PRR16: variants seen among roughly 807,000 people sequenced by gnomAD.
PRR16 encodes the protein protein Largen.
Under a neutral mutation model 18.2 loss-of-function variants are expected in PRR16, and 6 were observed. The ratio of observed to expected loss-of-function variants is 0.33; its 90% CI spans 0.18 to 0.65. The LOEUF is 0.65. PRR16 is among the 30% of genes least tolerant of loss of function. The pLI is 0.74. For missense variants in PRR16, 412 were observed against 376.6 expected (o/e 1.09, Z -0.78); for synonymous variants, 151 against 147.8 (o/e 1.02, Z -0.16).
the PRR16 span, among the ~76,000 whole-genome samples, chr5:120,714,461 A>C: frequency 3.4e-4 from 52 of 152,134 alleles, no homozygotes; most frequent in African/African-American, 1.1e-3. Flanking sequence ...ACCAGTCAGA[A>C]TGGTGATTAT....
intron 1 of PRR16, among the ~76,000 whole-genome samples, chr5:120,664,404 C>T (rs764755680): frequency 9.2e-5 from 14 of 151,616 alleles, no homozygotes; most frequent in Non-Finnish European, 1.9e-4. Flanking sequence ...GCCATATGAG[C>T]AGATCTTGTT....
At chr5:120,742,540 C>A in the PRR16 span, among the ~76,000 whole-genome samples, 1 of 151,404 alleles carries the variant, frequency 6.6e-6, no homozygotes, top group Non-Finnish European at 1.5e-5. Context: ...ACAAAAAATT[C>A]TTAATTTTAA....
intron 1 of PRR16, among the ~76,000 whole-genome samples, chr5:120,483,014 T>A (rs756688890): frequency 9.2e-5 from 14 of 152,124 alleles, no homozygotes; most frequent in Non-Finnish European, 1.8e-4. Context: ...GTAGGTTAGG[T>A]AGGTTAGGGA....
the PRR16 span, among the ~76,000 whole-genome samples, chr5:120,792,289 T>C: frequency 1.3e-5 from 2 of 152,186 alleles, no homozygotes; most frequent in East Asian, 3.8e-4. Flanking sequence ...CCAGTAGTAG[T>C]TTATAAAGTG....
the PRR16 span, among the ~76,000 whole-genome samples, chr5:120,763,591 A>T: frequency 1.1e-4 from 16 of 152,184 alleles, no homozygotes; most frequent in African/African-American, 3.9e-4. Flanking sequence ...TCTATGAAAA[A>T]TAATGTTGGT....
chr5:120,579,634 A>G (rs949521555), intron 1 of PRR16, among the ~76,000 whole-genome samples: 11 of 151,946 alleles, frequency 7.2e-5, no homozygotes, highest in Admixed American at 2.0e-4. Flanking sequence ...TATCAGGACC[A>G]TGGTGTAGCC....
the PRR16 span, among the ~76,000 whole-genome samples, chr5:120,763,960 G>A: frequency 6.6e-6 from 1 of 152,034 alleles, no homozygotes; most frequent in Admixed American, 6.6e-5. Context: ...ATTTTTGGTG[G>A]AATCTGTAGG....
At chr5:120,519,311 T>A (rs1339459972) in intron 1 of PRR16, among the ~76,000 whole-genome samples, 1 of 152,144 alleles carries the variant, frequency 6.6e-6, no homozygotes, top group African/African-American at 2.4e-5. Context: ...ACAAGTTAGC[T>A]TTGGATGTGC....
chr5:120,590,604 C>T (rs1158528435), intron 1 of PRR16, among the ~76,000 whole-genome samples: 2 of 152,008 alleles, frequency 1.3e-5, no homozygotes, highest in African/African-American at 4.8e-5. Flanking sequence ...AAGATTTACA[C>T]TTGAATGAAG....
chr5:120,570,195 C>T (rs777283717), intron 1 of PRR16, among the ~76,000 whole-genome samples: 1 of 152,096 alleles, frequency 6.6e-6, no homozygotes. Flanking sequence ...CAGCAAAGAT[C>T]TCTAAATGGC....
intron 1 of PRR16, among the ~76,000 whole-genome samples, chr5:120,465,146 C>CA (rs1354585301): frequency 6.6e-6 from 1 of 152,184 alleles, no homozygotes; most frequent in African/African-American, 2.4e-5. Flanking sequence ...AAGCTTGGCT[C>CA]AGACTACCCT....
intron 1 of PRR16, among the ~76,000 whole-genome samples, chr5:120,654,233 A>G (rs888086121): frequency 6.6e-6 from 1 of 152,022 alleles, no homozygotes; most frequent in African/African-American, 2.4e-5. Context: ...AGAAGACGCA[A>G]ATTGAATATG....
At chr5:120,702,188 T>TG in the PRR16 span, among the ~76,000 whole-genome samples, 1 of 133,648 alleles carries the variant, frequency 7.5e-6, no homozygotes, top group Non-Finnish European at 1.6e-5. Flanking sequence ...GATAAGAGGT[T>TG]GGGGTGTGGA....
At position 120,686,703 on chromosome 5, in the gene PRR16, C is replaced by T. The variant is rs145865408; in HGVS notation, c.909C>T (p.Thr303=). The T allele has an allele frequency of 8.6e-6, 13 of 1,504,684 alleles. No individual in the cohort carries two copies. Among genetic ancestry groups the T allele is most frequent in the African/African-American group, 5.6e-5 (4 of 71,500 alleles). The allele number at this position is 1,504,684 out of a possible 1,614,324, so 93.2% of individuals were successfully genotyped here. Residue 303 remains threonine, a synonymous_variant, in exon 2 of 2, where the codon ACC becomes ACT. Transcript: ENST00000407149. ...KTILRKSTTT[T]V ...TCTTGAGGAAGTCAACCACTACAAC[C>T]GTGTGATGTATGCCATTAAAAAAAT...
At chr5:120,742,080 A>G in the PRR16 span, among the ~76,000 whole-genome samples, 3 of 152,062 alleles carry the variant, frequency 2.0e-5, no homozygotes, top group Non-Finnish European at 2.9e-5. Flanking sequence ...TTTATTTACA[A>G]TTAAGCTTTT....
the PRR16 span, among the ~76,000 whole-genome samples, chr5:120,703,676 G>C: frequency 1.3e-5 from 2 of 152,084 alleles, no homozygotes; most frequent in South Asian, 2.1e-4. Context: ...GTTGTTCCTT[G>C]CAATGTTTGA....
chr5:120,617,134 C>G, intron 1 of PRR16: 1 of 985,316 alleles, frequency 1.0e-6, no homozygotes, highest in Non-Finnish European at 1.2e-6. Flanking sequence ...CATGATGAAA[C>G]AGGGAAACAG....
chr5:120,546,268 A>T (rs1752071301), intron 1 of PRR16, among the ~76,000 whole-genome samples: 1 of 152,136 alleles, frequency 6.6e-6, no homozygotes, highest in African/African-American at 2.4e-5. Context: ...ATACATAAGC[A>T]TGGTTAATAT....
intron 1 of PRR16, among the ~76,000 whole-genome samples, chr5:120,581,918 AT>A (rs1753285647): frequency 6.6e-6 from 1 of 151,954 alleles, no homozygotes; most frequent in African/African-American, 2.4e-5. Context: ...CATTTGCTGA[AT>A]TTTGCTGAGG....
Sources: allele counts gnomAD v4.1 joint callset (sites outside exome capture counted in the v4.1 genomes callset), GRCh38; gene constraint gnomAD v4.1.1; transcripts MANE v1.5; gene names NCBI Gene and HGNC (gene_info 2026-07-23, HGNC 2026-07-21).